The following OR2L13 variants were observed in gnomAD, a reference collection of about 807,000 sequenced individuals.
OR2L13 encodes the protein olfactory receptor family 2 subfamily L member 13.
OR2L13 carries 14 observed loss-of-function variants against 15.3 expected under a neutral mutation model. The ratio of observed to expected loss-of-function variants is 0.91; its 90% CI spans 0.60 to 1.43. OR2L13 has a LOEUF of 1.43. Ranked by LOEUF, OR2L13 falls within the 40% of genes most tolerant of loss-of-function variation. The probability of loss-of-function intolerance (pLI) is 0.00; values close to 1 mark genes in which losing one functional copy is unlikely to be tolerated. For missense variants in OR2L13, 367 were observed against 387.9 expected (o/e 0.95, Z 0.45); for synonymous variants, 152 against 142.9 (o/e 1.06, Z -0.45).
At chr1:247,963,265 C>A in the OR2L13 span, among the ~76,000 whole-genome samples, 2 of 152,112 alleles carry the variant, frequency 1.3e-5, no homozygotes, top group Non-Finnish European at 2.9e-5. Flanking sequence ...CGGAGGGGTC[C>A]TCACCTTTTC....
At chr1:248,077,474 G>A in the OR2L13 span, among the ~76,000 whole-genome samples, 1 of 152,140 alleles carries the variant, frequency 6.6e-6, no homozygotes, top group African/African-American at 2.4e-5. Flanking sequence ...TCTGGTCCTG[G>A]ACTTTTTTTG....
At chr1:247,947,781 A>G in the OR2L13 span, among the ~76,000 whole-genome samples, 2 of 152,340 alleles carry the variant, frequency 1.3e-5, no homozygotes, top group Non-Finnish European at 2.9e-5. Flanking sequence ...GGACATAGCA[A>G]TAAGGATTTA....
the OR2L13 span, among the ~76,000 whole-genome samples, chr1:248,053,143 C>G: frequency 6.6e-6 from 1 of 152,118 alleles, no homozygotes; most frequent in African/African-American, 2.4e-5. Flanking sequence ...AAGTGTTGTT[C>G]TCTTCCTGTG....
chr1:248,038,576 C>T, the OR2L13 span: 1 of 1,614,166 alleles, frequency 6.2e-7, no homozygotes, highest in Admixed American at 1.7e-5. Context: ...GTTTCTTCTT[C>T]TTGACTTTAG....
At chr1:248,036,146 T>C in the OR2L13 span, among the ~76,000 whole-genome samples, 9,644 of 152,246 alleles carry the variant, frequency 0.063, 355 homozygotes, top group East Asian at 0.16. Context: ...GTATTGAGTT[T>C]ATTATTATTT....
the OR2L13 span, chr1:247,980,921 A>G: frequency 6.6e-6 from 1 of 152,200 alleles, no homozygotes; most frequent in Non-Finnish European, 1.5e-5. Flanking sequence ...TTTGAAATTG[A>G]GGAGATAATA....
rs546268948 is a variant in OR2L13 at position 248,098,362 on chromosome 1, G to GT, written c.-143-282dup. Among the ~76,000 whole-genome samples the GT allele has an allele frequency of 1.1e-4, 16 of 152,222 alleles. No individual in the cohort carries two copies. The South Asian group carries it at 1.7e-3, about 16-fold the overall frequency. ...AATGTATCATAATGATGGTTTTCAT[G>GT]TTTTTTTCTGATCAGTTTTTATTTC... On this transcript the variant is annotated intron_variant, in intron 1 of 2. Transcript: ENST00000641714.
chr1:248,052,720 G>A, the OR2L13 span, among the ~76,000 whole-genome samples: 4 of 151,846 alleles, frequency 2.6e-5, no homozygotes, highest in African/African-American at 7.3e-5. Context: ...GACAGAGTGA[G>A]ACTCCATCTC....
the OR2L13 span, among the ~76,000 whole-genome samples, chr1:247,953,245 G>A: frequency 6.6e-6 from 1 of 152,122 alleles, no homozygotes; most frequent in Non-Finnish European, 1.5e-5. Flanking sequence ...TGTTCATTGT[G>A]CCTCGTTTTA....
the OR2L13 span, among the ~76,000 whole-genome samples, chr1:248,074,679 GA>G: frequency 7.5e-4 from 114 of 152,276 alleles, no homozygotes; most frequent in African/African-American, 2.6e-3. Context: ...GACTACTAAA[GA>G]GGTTAAGGAG....
the OR2L13 span, among the ~76,000 whole-genome samples, chr1:247,970,700 G>A: frequency 6.6e-6 from 1 of 152,098 alleles, no homozygotes; most frequent in Non-Finnish European, 1.5e-5. Context: ...AAATTTCTAG[G>A]TGAGTCACTA....
the OR2L13 span, among the ~76,000 whole-genome samples, chr1:248,077,440 T>C: frequency 6.6e-6 from 1 of 152,350 alleles, no homozygotes; most frequent in East Asian, 1.9e-4. Flanking sequence ...TTTGTACCTC[T>C]GGTAGAATTC....
chr1:248,022,705 C>T, the OR2L13 span: 14 of 1,613,986 alleles, frequency 8.7e-6, no homozygotes, highest in Non-Finnish European at 1.2e-5. Flanking sequence ...TACTATGCAC[C>T]CTTTGCTTAT....
upstream of OR2L13, among the ~76,000 whole-genome samples, chr1:248,095,676 A>T (rs113249589): frequency 0.029 from 3,655 of 124,730 alleles, 163 homozygotes; most frequent in African/African-American, 0.1. Flanking sequence ...TCACGATCTC[A>T]GCTCACTGCA....
At chr1:247,949,253 C>A in the OR2L13 span, 1 of 1,614,208 alleles carries the variant, frequency 6.2e-7, no homozygotes, top group African/African-American at 1.3e-5. Context: ...TCCACTATCT[C>A]ATCCGCATGA....
chr1:248,091,280 T>G (rs2103187692), upstream of OR2L13, among the ~76,000 whole-genome samples: 1 of 152,326 alleles, frequency 6.6e-6, no homozygotes, highest in South Asian at 2.1e-4. Context: ...AAGAGCTCTT[T>G]AATTTAATTA....
chr1:248,060,930 T>C, the OR2L13 span: 2 of 1,613,958 alleles, frequency 1.2e-6, no homozygotes, highest in Non-Finnish European at 8.5e-7. Context: ...TGGCATCTGA[T>C]TTTCTGTCTG....
the OR2L13 span, chr1:248,013,882 G>A: frequency 6.6e-6 from 1 of 152,132 alleles, no homozygotes; most frequent in African/African-American, 2.4e-5. Flanking sequence ...AAATTCAGCA[G>A]AAATTTTGGA....
the OR2L13 span, chr1:248,030,288 ACT>A: frequency 6.6e-6 from 1 of 152,138 alleles, no homozygotes; most frequent in East Asian, 1.9e-4. Context: ...CGAAGAAGGG[ACT>A]CTGGCAAGTG....
Sources: allele counts gnomAD v4.1 joint callset (sites outside exome capture counted in the v4.1 genomes callset), GRCh38; gene constraint gnomAD v4.1.1; transcripts MANE v1.5; gene names NCBI Gene and HGNC (gene_info 2026-07-23, HGNC 2026-07-21).